Variants in ACTR3C observed in about 807,000 individuals in gnomAD.
ACTR3C encodes actin-related protein 3C.
In ACTR3C, 18 loss-of-function variants were observed where a neutral mutation model predicts 26.3. That is an observed-to-expected ratio of 0.68 (90% CI 0.47 to 1.01). ACTR3C has a LOEUF of 1.01. ACTR3C is among the 50% of genes least tolerant of loss of function. The probability of loss-of-function intolerance (pLI) is 0.00; values close to 1 mark genes in which losing one functional copy is unlikely to be tolerated. For missense variants in ACTR3C, 184 were observed against 250.7 expected, an observed-to-expected ratio of 0.73 and a Z score of 1.80; for synonymous variants, 55 against 94.5, an observed-to-expected ratio of 0.58 and a Z score of 2.42.
chr7:150,040,270 C>G, the ACTR3C span, among the ~76,000 whole-genome samples: 240 of 146,258 alleles, frequency 1.6e-3, 11 homozygotes, highest in African/African-American at 4.5e-3. Flanking sequence ...CGTAGGCTAC[C>G]GGCCTCAGCC....
chr7:149,919,343 C>T, the ACTR3C span, among the ~76,000 whole-genome samples: 4 of 151,290 alleles, frequency 2.6e-5, no homozygotes, highest in Non-Finnish European at 5.9e-5. Flanking sequence ...CGGGTTCAAG[C>T]GATTCTCCTG....
At chr7:150,216,724 C>T in the ACTR3C span, among the ~76,000 whole-genome samples, 2 of 151,978 alleles carry the variant, frequency 1.3e-5, no homozygotes, top group Admixed American at 6.5e-5. Flanking sequence ...CGGTGGCTCA[C>T]GCCTGTAATC....
At chr7:149,946,521 T>A in the ACTR3C span, among the ~76,000 whole-genome samples, 1 of 152,024 alleles carries the variant, frequency 6.6e-6, no homozygotes, top group Admixed American at 6.6e-5. Flanking sequence ...GGCAGGCGAG[T>A]CCCCCTGTTC....
chr7:149,907,477 CT>C, the ACTR3C span, among the ~76,000 whole-genome samples: 2,247 of 81,184 alleles, frequency 0.028, 10 homozygotes, highest in African/African-American at 0.091. Flanking sequence ...CCTCTCTTCT[CT>C]TCTCTCTCTC....
chr7:150,152,318 A>G, the ACTR3C span, among the ~76,000 whole-genome samples: 1 of 152,084 alleles, frequency 6.6e-6, no homozygotes, highest in Admixed American at 6.6e-5. Context: ...CGTCCCATCA[A>G]TACCTAATTT....
the ACTR3C span, among the ~76,000 whole-genome samples, chr7:150,015,670 T>C: frequency 1.3e-5 from 2 of 152,212 alleles, no homozygotes; most frequent in African/African-American, 4.8e-5. Context: ...TTGACGTCCC[T>C]TGATTTTCTC....
chr7:149,895,165 T>G, the ACTR3C span, among the ~76,000 whole-genome samples: 1 of 151,968 alleles, frequency 6.6e-6, no homozygotes, highest in Non-Finnish European at 1.5e-5. Context: ...TCACATGGTC[T>G]CATTCATATG....
chr7:150,129,072 A>T, the ACTR3C span, among the ~76,000 whole-genome samples: 16,470 of 143,778 alleles, frequency 0.11, 410 homozygotes, highest in African/African-American at 0.17. Flanking sequence ...CCTGCAGCAC[A>T]GTCCTATGGG....
chr7:150,317,449 T>C (rs796166961), intron 1 of ACTR3C, among the ~76,000 whole-genome samples: 14 of 152,358 alleles, frequency 9.2e-5, no homozygotes, highest in African/African-American at 3.4e-4. Context: ...TGAATTATTT[T>C]ATTAGCTGTA....
chr7:150,038,999 C>CGGGGG, the ACTR3C span, among the ~76,000 whole-genome samples: 1 of 78,218 alleles, frequency 1.3e-5, no homozygotes, highest in African/African-American at 6.7e-5. Context: ...TCCTCAGAGC[C>CGGGGG]GGGGGGCGGG....
At chr7:150,187,059 A>G in the ACTR3C span, among the ~76,000 whole-genome samples, 1 of 151,760 alleles carries the variant, frequency 6.6e-6, no homozygotes, top group Non-Finnish European at 1.5e-5. Flanking sequence ...GAGTTATACC[A>G]TGAGAATACT....
At chr7:150,006,363 AT>A in the ACTR3C span, among the ~76,000 whole-genome samples, 1 of 149,036 alleles carries the variant, frequency 6.7e-6, no homozygotes. Flanking sequence ...CGCCTGGCTA[AT>A]TTTTTTGTAT....
chr7:150,203,116 C>T, the ACTR3C span, among the ~76,000 whole-genome samples: 3 of 152,230 alleles, frequency 2.0e-5, no homozygotes, highest in Non-Finnish European at 4.4e-5. Flanking sequence ...GCAGCATCAG[C>T]ATCATTTCGG....
At chr7:150,008,046 G>C in the ACTR3C span, among the ~76,000 whole-genome samples, 1 of 151,148 alleles carries the variant, frequency 6.6e-6, no homozygotes, top group Admixed American at 6.6e-5. Context: ...CTATTTGAAC[G>C]TCTTAAACGA....
the ACTR3C span, among the ~76,000 whole-genome samples, chr7:150,038,134 G>T: frequency 2.1e-5 from 3 of 142,858 alleles, 1 homozygote; most frequent in African/African-American, 5.3e-5. Flanking sequence ...AAGAGGGGAT[G>T]GATCTCAGCC....
chr7:149,883,556 AAAGTT>A, the ACTR3C span, among the ~76,000 whole-genome samples: 13 of 152,296 alleles, frequency 8.5e-5, no homozygotes, highest in South Asian at 2.5e-3. Context: ...GTAACCAAGA[AAAGTT>A]AAGCTGCACA....
the ACTR3C span, among the ~76,000 whole-genome samples, chr7:149,969,403 G>T: frequency 6.6e-6 from 1 of 151,882 alleles, no homozygotes; most frequent in African/African-American, 2.4e-5. Flanking sequence ...TAGCAGTCCT[G>T]GGCTGGACTA....
the ACTR3C span, among the ~76,000 whole-genome samples, chr7:150,014,933 C>T: frequency 6.6e-6 from 1 of 152,132 alleles, no homozygotes; most frequent in Non-Finnish European, 1.5e-5. Context: ...CAGTGTTTGA[C>T]CCTGGATCAA....
At chr7:149,936,703 G>T in the ACTR3C span, among the ~76,000 whole-genome samples, 1 of 152,228 alleles carries the variant, frequency 6.6e-6, no homozygotes, top group African/African-American at 2.4e-5. Flanking sequence ...ACACCTGGAG[G>T]TCCTGGGTTC....
Sources: gnomAD v4.1 joint callset for allele counts (sites outside exome capture counted in the v4.1 genomes callset) on GRCh38, gnomAD v4.1.1 for gene constraint, MANE v1.5 for transcripts, NCBI Gene and HGNC (gene_info 2026-07-23, HGNC 2026-07-21) for gene names.